Variants in BABAM2 observed in about 807,000 individuals in gnomAD.
BABAM2 encodes the protein BRISC and BRCA1 A complex member 2.
A neutral mutation model predicts 54.7 loss-of-function variants in BABAM2; 31 were observed. That is an observed-to-expected ratio of 0.57 (90% CI 0.43 to 0.77). The LOEUF (loss-of-function observed/expected upper bound fraction) is 0.77. BABAM2 is among the 30% of genes least tolerant of loss of function. The pLI is 0.00. For synonymous variants in BABAM2, 167 were observed against 162.9 expected (o/e 1.03, Z -0.19); for missense variants, 364 against 455.8 (o/e 0.80, Z 1.83).
At chr2:28,313,223 A>G (rs1331109659) in intron 11 of BABAM2, among the ~76,000 whole-genome samples, 1 of 152,220 alleles carries the variant, frequency 6.6e-6, no homozygotes, top group Non-Finnish European at 1.5e-5. Context: ...AAGTACTTTT[A>G]AGAGAAGGTA....
chr2:28,208,826 G>C (rs1161073291), intron 7 of BABAM2, among the ~76,000 whole-genome samples: 1 of 152,214 alleles, frequency 6.6e-6, no homozygotes, highest in Non-Finnish European at 1.5e-5. Flanking sequence ...GCCAGGTGGG[G>C]AGATGAAATG....
intron 3 of BABAM2, among the ~76,000 whole-genome samples, chr2:27,959,779 T>A (rs1670340294): frequency 6.6e-6 from 1 of 152,222 alleles, no homozygotes. Flanking sequence ...TCAGAAAAAA[T>A]TGCCATTTTG....
chr2:28,258,974 A>G (rs1312472986), intron 10 of BABAM2, among the ~76,000 whole-genome samples: 1 of 135,906 alleles, frequency 7.4e-6, no homozygotes, highest in Non-Finnish European at 1.5e-5. Context: ...ACAGGGTTTC[A>G]CCATGTTGGC....
intron 7 of BABAM2, among the ~76,000 whole-genome samples, chr2:28,195,979 A>G (rs1463117339): frequency 2.6e-5 from 4 of 152,240 alleles, no homozygotes; most frequent in Admixed American, 1.3e-4. Flanking sequence ...AGCTGGCATC[A>G]GTCTCTACAT....
At chr2:27,893,938 G>C (rs1490688085) in intron 1 of BABAM2, among the ~76,000 whole-genome samples, 1 of 147,950 alleles carries the variant, frequency 6.8e-6, no homozygotes, top group African/African-American at 2.5e-5. Flanking sequence ...AGTTTGCAGT[G>C]AGCCGAGATT....
chr2:28,055,881 C>T (rs1225121970), intron 6 of BABAM2, among the ~76,000 whole-genome samples: 2 of 152,188 alleles, frequency 1.3e-5, no homozygotes, highest in Non-Finnish European at 2.9e-5. Flanking sequence ...AACTGTGGTA[C>T]ATATGCATTT....
chr2:28,190,695 A>T (rs886805384), intron 7 of BABAM2, among the ~76,000 whole-genome samples: 2 of 151,080 alleles, frequency 1.3e-5, no homozygotes, highest in Non-Finnish European at 3.0e-5. Flanking sequence ...TCAAAAAACA[A>T]GGGGGGGGCG....
chr2:28,140,287 G>A (rs538218642), intron 7 of BABAM2, among the ~76,000 whole-genome samples: 91 of 152,212 alleles, frequency 6.0e-4, no homozygotes, highest in African/African-American at 2.1e-3. Flanking sequence ...GGTAGCTTAA[G>A]GTTATAAAAC....
chr2:27,946,684 A>G (rs1424270082), intron 3 of BABAM2, among the ~76,000 whole-genome samples: 2 of 151,920 alleles, frequency 1.3e-5, no homozygotes, highest in East Asian at 3.8e-4. Flanking sequence ...AAGAGAGAGG[A>G]GAGGAGAGGA....
At chr2:28,036,584 A>G (rs1202531366) in intron 5 of BABAM2, among the ~76,000 whole-genome samples, 1 of 152,194 alleles carries the variant, frequency 6.6e-6, no homozygotes, top group Non-Finnish European at 1.5e-5. Context: ...ACATCTGGTC[A>G]AAAGAATCAG....
chr2:28,068,175 A>G (rs1663788887), intron 6 of BABAM2, among the ~76,000 whole-genome samples: 1 of 152,214 alleles, frequency 6.6e-6, no homozygotes, highest in Non-Finnish European at 1.5e-5. Flanking sequence ...ACTTAGTATG[A>G]TGAGACTACC....
chr2:28,250,088 A>G (rs1683301229), intron 10 of BABAM2, among the ~76,000 whole-genome samples: 1 of 152,188 alleles, frequency 6.6e-6, no homozygotes, highest in Non-Finnish European at 1.5e-5. Context: ...GAAGATGAGG[A>G]AGATGCTGTG....
intron 7 of BABAM2, among the ~76,000 whole-genome samples, chr2:28,231,917 C>T (rs1187332291): frequency 3.4e-5 from 5 of 146,200 alleles, no homozygotes; most frequent in African/African-American, 1.3e-4. Flanking sequence ...AACTGATCCT[C>T]TTGCCTCAGG....
chr2:28,115,019 G>A (rs796642610), intron 6 of BABAM2, among the ~76,000 whole-genome samples: 4 of 152,102 alleles, frequency 2.6e-5, no homozygotes, highest in African/African-American at 9.6e-5. Context: ...TTTATTGGGT[G>A]CCTGTTTTTG....
chr2:28,091,067 C>T (rs997292714), intron 6 of BABAM2, among the ~76,000 whole-genome samples: 5 of 152,028 alleles, frequency 3.3e-5, no homozygotes, highest in African/African-American at 1.2e-4. Flanking sequence ...AATATATTTT[C>T]CATTTATACT....
intron 4 of BABAM2, among the ~76,000 whole-genome samples, chr2:27,993,952 A>G (rs551372261): frequency 4.1e-4 from 62 of 152,332 alleles, no homozygotes; most frequent in African/African-American, 1.5e-3. Context: ...GCTGAAATGG[A>G]CTGCATGTCA....
At chr2:28,131,157 C>CTGCAA (rs2148772472) in intron 7 of BABAM2, among the ~76,000 whole-genome samples, 1 of 15,800 alleles carries the variant, frequency 6.3e-5, no homozygotes, top group African/African-American at 2.4e-4. Flanking sequence ...TCTCGGCTCA[C>CTGCAA]TGCAAGCTCC....
chr2:28,244,635 T>G (rs773874951), intron 9 of BABAM2, 145 bp from the exon 10 acceptor site: 3 of 665,302 alleles, frequency 4.5e-6, no homozygotes, highest in Non-Finnish European at 7.6e-6. Flanking sequence ...AGGCCCTTCC[T>G]GCATTAATCC....
intron 8 of BABAM2, among the ~76,000 whole-genome samples, chr2:28,237,549 T>G (rs971964364): frequency 6.6e-5 from 10 of 152,198 alleles, no homozygotes; most frequent in African/African-American, 2.4e-4. Flanking sequence ...CTTAACTTTA[T>G]GTCTGGGATT....
Sources: gnomAD v4.1 joint callset for allele counts (sites outside exome capture counted in the v4.1 genomes callset) on GRCh38, gnomAD v4.1.1 for gene constraint, MANE v1.5 for transcripts, NCBI Gene and HGNC (gene_info 2026-07-23, HGNC 2026-07-21) for gene names.